DENND1A: variants seen among roughly 807,000 people sequenced by gnomAD.
DENND1A encodes DENN domain containing 1A.
DENND1A carries 51 observed loss-of-function variants against 113.7 expected under a neutral mutation model. The observed-to-expected ratio is 0.45, with a 90% CI of 0.36 to 0.57. DENND1A has a LOEUF of 0.57. Among genes scored for constraint, DENND1A ranks in the 20% least tolerant of loss-of-function variants. The pLI is 0.00. For synonymous variants in DENND1A, 565 were observed against 570.8 expected (o/e 0.99, Z 0.14); for missense variants, 1,258 against 1,395.9 (o/e 0.90, Z 1.57).
chr9:123,720,618 C>T (rs114195236), intron 5 of DENND1A, among the ~76,000 whole-genome samples: 1 of 152,324 alleles, frequency 6.6e-6, no homozygotes, highest in African/African-American at 2.4e-5. Context: ...CAGGGCTATT[C>T]AAAATACATG....
chr9:123,636,427 CT>C (rs2061704514), intron 9 of DENND1A, among the ~76,000 whole-genome samples: 1 of 152,118 alleles, frequency 6.6e-6, no homozygotes, highest in Non-Finnish European at 1.5e-5. Flanking sequence ...AGTGATTCTC[CT>C]GCCTCAGCCT....
At chr9:123,415,762 CT>C (rs375271876) in intron 19 of DENND1A, among the ~76,000 whole-genome samples, 1 of 152,228 alleles carries the variant, frequency 6.6e-6, no homozygotes, top group African/African-American at 2.4e-5. Flanking sequence ...TGCGGGGCAT[CT>C]GATGGCACTT....
In DENND1A at chr9:123,630,491, A is replaced by C. The variant is rs1564847464; in HGVS notation, c.619-15T>G. The stretch of plus-strand genomic sequence containing the variant: ...CAGGCAGTCAGCTGGAACAGAGCAA[A>C]GCAGAGATCAATGAACAAATCCAAG... On this transcript the variant is annotated splice_polypyrimidine_tract_variant and intron_variant, in intron 9 of 23. Transcript: ENST00000394215. The C allele has an allele frequency of 1.3e-6, 2 of 1,530,894 alleles. No homozygotes were observed. Among genetic ancestry groups the C allele is most frequent in the Non-Finnish European group, 1.8e-6 (2 of 1,133,280 alleles). 94.8% of individuals were successfully genotyped at this position (1,530,894 alleles called of 1,614,324 possible). A position where few individuals can be genotyped will look rare whatever the true frequency, so the allele number is the denominator to read the frequency against.
At chr9:123,923,982 A>T (rs1266426174) in intron 1 of DENND1A, among the ~76,000 whole-genome samples, 1 of 152,246 alleles carries the variant, frequency 6.6e-6, no homozygotes, top group Non-Finnish European at 1.5e-5. Context: ...TGTTCATAGC[A>T]ACATCATTCA....
In DENND1A at chr9:123,886,957, A is replaced by G. The variant is rs1288952296; in HGVS notation, c.18-7936T>C. ...AAAGGTTTACCTTCCATATATCCCT[A>G]CGGGAAGATTCTTAAGCCTCTAAGT... On this transcript the variant is annotated intron_variant, in intron 1 of 23. Transcript: ENST00000394215. 2.6e-5 allele frequency among the ~76,000 whole-genome samples: 4 copies of G among 152,140 alleles called. No individual in the cohort carries two copies. The East Asian group carries it at 5.8e-4, about 22-fold the overall frequency.
At chr9:123,487,076 A>G (rs2050943299) in intron 13 of DENND1A, among the ~76,000 whole-genome samples, 1 of 152,234 alleles carries the variant, frequency 6.6e-6, no homozygotes, top group Non-Finnish European at 1.5e-5. Context: ...AGAGGCCCCC[A>G]TATTTCTATA....
At chr9:123,413,691 T>A in intron 19 of DENND1A, 1 of 985,464 alleles carries the variant, frequency 1.0e-6, no homozygotes, top group Non-Finnish European at 1.2e-6. Flanking sequence ...TAGCTGGGCG[T>A]GAGGGCTGAC....
chr9:123,797,908 T>C (rs1430753866), intron 2 of DENND1A, among the ~76,000 whole-genome samples: 1 of 152,148 alleles, frequency 6.6e-6, no homozygotes. Context: ...CAGATTTGAC[T>C]CTAAAATTTG....
At chr9:123,740,410 T>C (rs2068909354) in intron 5 of DENND1A, among the ~76,000 whole-genome samples, 1 of 152,216 alleles carries the variant, frequency 6.6e-6, no homozygotes, top group South Asian at 2.1e-4. Context: ...TAGGCTATTA[T>C]AAATCTCCCA....
At chr9:123,466,088 C>G (rs1402932906) in intron 13 of DENND1A, among the ~76,000 whole-genome samples, 2 of 152,158 alleles carry the variant, frequency 1.3e-5, no homozygotes, top group East Asian at 3.8e-4. Flanking sequence ...ACAAGCTCCA[C>G]CTCAGGTTCA....
chr9:123,870,935 C>T (rs1293000524), intron 2 of DENND1A, among the ~76,000 whole-genome samples: 1 of 151,976 alleles, frequency 6.6e-6, no homozygotes, highest in Non-Finnish European at 1.5e-5. Flanking sequence ...ATTCTTCAAG[C>T]TTGCTGTCAT....
chr9:123,843,384 T>C (rs1424456804), intron 2 of DENND1A: 1 of 343,646 alleles, frequency 2.9e-6, no homozygotes, highest in Non-Finnish European at 5.8e-6. Context: ...TGCAGTCATT[T>C]TGTCTACTTT....
intron 11 of DENND1A, among the ~76,000 whole-genome samples, chr9:123,608,613 C>A (rs1380727776): frequency 6.6e-6 from 1 of 152,172 alleles, no homozygotes; most frequent in Non-Finnish European, 1.5e-5. Context: ...ATTGGTACAG[C>A]CATACAGAAA....
At chr9:123,842,525 T>C (rs1015435788) in intron 2 of DENND1A, among the ~76,000 whole-genome samples, 8 of 151,146 alleles carry the variant, frequency 5.3e-5, no homozygotes, top group East Asian at 1.9e-4. Context: ...ATGAATTAGA[T>C]ATATGAAATG....
intron 21 of DENND1A, 88 bp from the exon 22 acceptor site, chr9:123,387,946 G>A (rs1588271130): frequency 4.1e-6 from 5 of 1,231,846 alleles, no homozygotes; most frequent in East Asian, 5.8e-5. Flanking sequence ...AGGCCTCTGG[G>A]CTCCACGCCT....
At chr9:123,739,112 T>C (rs993023229) in intron 5 of DENND1A, among the ~76,000 whole-genome samples, 5 of 152,192 alleles carry the variant, frequency 3.3e-5, no homozygotes, top group Admixed American at 6.5e-5. Flanking sequence ...TTCTCCATAC[T>C]CTCAAGAAAT....
intron 5 of DENND1A, among the ~76,000 whole-genome samples, chr9:123,750,301 T>C (rs1318361582): frequency 1.3e-5 from 2 of 152,250 alleles, no homozygotes; most frequent in African/African-American, 4.8e-5. Flanking sequence ...TGTTTCTAAG[T>C]ATGAAGGCAT....
At chr9:123,659,754 T>C (rs1198353273) in intron 8 of DENND1A, among the ~76,000 whole-genome samples, 1 of 152,234 alleles carries the variant, frequency 6.6e-6, no homozygotes, top group Admixed American at 6.5e-5. Context: ...CTAAAATTCA[T>C]GTTCTTTCCA....
At chr9:123,739,694 C>A (rs1477263109) in intron 5 of DENND1A, among the ~76,000 whole-genome samples, 1 of 151,990 alleles carries the variant, frequency 6.6e-6, no homozygotes, top group East Asian at 1.9e-4. Context: ...CAAGAAAGAT[C>A]TAAAATATTT....
Sources: gnomAD v4.1 joint callset for allele counts (sites outside exome capture counted in the v4.1 genomes callset) on GRCh38, gnomAD v4.1.1 for gene constraint, MANE v1.5 for transcripts, NCBI Gene and HGNC (gene_info 2026-07-23, HGNC 2026-07-21) for gene names.